EYA2: variants seen among roughly 807,000 people sequenced by gnomAD.
The protein encoded by EYA2 is EYA transcriptional coactivator and phosphatase 2.
A neutral mutation model predicts 69.2 loss-of-function variants in EYA2; 31 were observed. The ratio of observed to expected loss-of-function variants is 0.45; its 90% CI spans 0.34 to 0.60. The LOEUF is 0.60. Ranked by LOEUF, EYA2 falls within the 20% of genes least tolerant of loss-of-function variation. The probability of loss-of-function intolerance (pLI) is 0.02; values close to 1 mark genes in which losing one functional copy is unlikely to be tolerated. For missense variants in EYA2, 622 were observed against 701.2 expected (o/e 0.89, Z 1.28); for synonymous variants, 257 against 279.4 (o/e 0.92, Z 0.80).
intron 5 of EYA2, among the ~76,000 whole-genome samples, chr20:47,051,244 A>C (rs1289157543): frequency 6.6e-6 from 1 of 152,258 alleles, no homozygotes; most frequent in Admixed American, 6.5e-5. Flanking sequence ...CGTGGCTGGC[A>C]TCGCAGAACG....
At chr20:47,169,235 T>A in intron 11 of EYA2, 38 bp downstream of exon 11, 1 of 1,591,600 alleles carries the variant, frequency 6.3e-7, no homozygotes, top group Non-Finnish European at 8.6e-7. Context: ...CATTGATTGA[T>A]TGATTGATTA....
chr20:47,081,328 T>TAA (rs1022849176), intron 7 of EYA2, among the ~76,000 whole-genome samples: 2 of 148,520 alleles, frequency 1.3e-5, no homozygotes, highest in African/African-American at 4.9e-5. Context: ...GTGTTTTTAG[T>TAA]AAAAAAAAAA....
chr20:47,091,196 A>T (rs146884163), intron 8 of EYA2, among the ~76,000 whole-genome samples: 5 of 152,258 alleles, frequency 3.3e-5, no homozygotes, highest in Non-Finnish European at 5.9e-5. Context: ...ATTTCATTTC[A>T]TTATTAGGGA....
intron 3 of EYA2, among the ~76,000 whole-genome samples, chr20:47,001,798 T>A (rs68058855): frequency 4.7e-5 from 6 of 128,956 alleles, no homozygotes; most frequent in Admixed American, 7.5e-5. Context: ...TTTTTTTTTT[T>A]TTTATTCTTT....
At chr20:47,039,054 CTG>C (rs1468650127) in intron 5 of EYA2, among the ~76,000 whole-genome samples, 1 of 152,084 alleles carries the variant, frequency 6.6e-6, no homozygotes, top group Non-Finnish European at 1.5e-5. Flanking sequence ...GGGCCAAGAA[CTG>C]TGTCCTGTCC....
intron 5 of EYA2, among the ~76,000 whole-genome samples, chr20:47,033,122 C>G (rs1984512364): frequency 6.6e-6 from 1 of 152,178 alleles, no homozygotes; most frequent in South Asian, 2.1e-4. Flanking sequence ...ATCCCAGCTG[C>G]TGCTGCAGGT....
At chr20:47,156,940 T>G (rs1301787014) in intron 10 of EYA2, among the ~76,000 whole-genome samples, 1 of 151,854 alleles carries the variant, frequency 6.6e-6, no homozygotes, top group Non-Finnish European at 1.5e-5. Flanking sequence ...AGACAAAAAG[T>G]AATGGAATCA....
At chr20:47,104,967 A>G (rs563651263) in intron 9 of EYA2, among the ~76,000 whole-genome samples, 51 of 152,248 alleles carry the variant, frequency 3.3e-4, no homozygotes, top group African/African-American at 8.7e-4. Flanking sequence ...GCTGCAGTGA[A>G]CCAAGATCAT....
intron 9 of EYA2, among the ~76,000 whole-genome samples, chr20:47,123,820 C>G (rs149676341): frequency 6.6e-6 from 1 of 151,878 alleles, no homozygotes; most frequent in Non-Finnish European, 1.5e-5. Flanking sequence ...GTGAAACCCC[C>G]GTCTCTACTA....
intron 1 of EYA2, among the ~76,000 whole-genome samples, chr20:46,917,695 C>T (rs1162631626): frequency 1.3e-5 from 2 of 152,196 alleles, no homozygotes; most frequent in Non-Finnish European, 2.9e-5. Context: ...GTACATAGGC[C>T]ACTAAGTGTG....
intron 10 of EYA2, among the ~76,000 whole-genome samples, chr20:47,164,031 T>C (rs1001568839): frequency 6.6e-6 from 1 of 152,118 alleles, no homozygotes; most frequent in African/African-American, 2.4e-5. Flanking sequence ...ATACTCATAC[T>C]TTGACCCGGA....
rs531296775 is a variant in EYA2 at position 47,167,855 on chromosome 20, C to T, written c.979-1284C>T. Among the ~76,000 whole-genome samples the T allele has an allele frequency of 2.0e-5, 3 of 152,254 alleles. 1 individual carries two copies. The South Asian group carries it at 6.2e-4, about 32-fold the overall frequency. On this transcript the variant is annotated intron_variant, in intron 10 of 15. Transcript: ENST00000327619. ...TTGCAGGTTCCGAGATAAGAATGTG[C>T]GCATCTTTGGGGGTTCGTTATTCGG...
chr20:47,182,466 TA>T (rs1245790635), intron 14 of EYA2, among the ~76,000 whole-genome samples: 2 of 149,672 alleles, frequency 1.3e-5, no homozygotes, highest in Non-Finnish European at 3.0e-5. Flanking sequence ...TCATCTGTAC[TA>T]AAAATAAAAA....
intron 1 of EYA2, among the ~76,000 whole-genome samples, chr20:46,920,092 G>A (rs2146236511): frequency 6.6e-6 from 1 of 152,234 alleles, no homozygotes; most frequent in Admixed American, 6.5e-5. Context: ...AAAGATCACT[G>A]ATCACAGATC....
chr20:47,161,274 G>A (rs995173150), intron 10 of EYA2: 11 of 536,466 alleles, frequency 2.1e-5, no homozygotes, highest in East Asian at 4.8e-5. Context: ...ATGGCCCCGC[G>A]GATGGCGTGG....
intron 7 of EYA2, among the ~76,000 whole-genome samples, chr20:47,086,349 G>A (rs2031892689): frequency 6.6e-6 from 1 of 152,150 alleles, no homozygotes; most frequent in Non-Finnish European, 1.5e-5. Context: ...AGCCAGGTAT[G>A]GTGGCGTGTG....
At chr20:47,019,005 A>G (rs563670821) in intron 5 of EYA2, among the ~76,000 whole-genome samples, 1 of 152,310 alleles carries the variant, frequency 6.6e-6, no homozygotes, top group Non-Finnish European at 1.5e-5. Flanking sequence ...CACTGCCCTC[A>G]TCTTACAGGT....
intron 8 of EYA2, among the ~76,000 whole-genome samples, chr20:47,092,092 G>A (rs1048626343): frequency 6.6e-6 from 1 of 152,156 alleles, no homozygotes; most frequent in Non-Finnish European, 1.5e-5. Context: ...GCTGACTTCA[G>A]CATGTTCAGG....
chr20:46,987,654 C>T (rs1568706627), intron 1 of EYA2, among the ~76,000 whole-genome samples: 1 of 152,010 alleles, frequency 6.6e-6, no homozygotes, highest in Non-Finnish European at 1.5e-5. Flanking sequence ...GGGGCAAGCA[C>T]AGTGGCTCAC....
Sources: allele counts gnomAD v4.1 joint callset (sites outside exome capture counted in the v4.1 genomes callset), GRCh38; gene constraint gnomAD v4.1.1; transcripts MANE v1.5; gene names NCBI Gene and HGNC (gene_info 2026-07-23, HGNC 2026-07-21).